MUCL1: variants seen among roughly 807,000 people sequenced by gnomAD.
MUCL1 encodes mucin like 1, also known as mucin-like protein 1.
MUCL1 carries 11 observed loss-of-function variants against 9.2 expected under a neutral mutation model. The ratio of observed to expected loss-of-function variants is 1.19; its 90% CI spans 0.75 to 1.97. The LOEUF (loss-of-function observed/expected upper bound fraction) is 1.97. Among genes scored for constraint, MUCL1 ranks in the 30% most tolerant of loss-of-function variants. The pLI, the probability that MUCL1 is intolerant of heterozygous loss-of-function variation, is 0.00. For missense variants in MUCL1, 144 were observed against 110.9 expected (o/e 1.30, Z -1.34); for synonymous variants, 48 against 40.5 (o/e 1.19, Z -0.71).
intron 1 of MUCL1, among the ~76,000 whole-genome samples, chr12:54,834,332 C>T (rs1959189477): frequency 6.6e-6 from 1 of 151,800 alleles, no homozygotes; most frequent in Non-Finnish European, 1.5e-5. Context: ...TTTAAACTAC[C>T]TTTTCTTCAC....
upstream of MUCL1, chr12:54,854,446 G>T: frequency 1.6e-6 from 1 of 641,420 alleles, no homozygotes; most frequent in South Asian, 2.1e-5. Flanking sequence ...TACCTAACCT[G>T]GATTCTGGTT....
intron 2 of MUCL1, 39 bp from the exon 3 acceptor site, chr12:54,856,731 G>C: frequency 6.4e-7 from 1 of 1,570,910 alleles, no homozygotes; most frequent in Non-Finnish European, 8.6e-7. Context: ...TGTTCCAGAA[G>C]GAGTCAGTCT....
intron 2 of MUCL1, 102 bp from the exon 3 acceptor site, chr12:54,856,668 A>G: frequency 6.9e-7 from 1 of 1,445,002 alleles, no homozygotes; most frequent in Non-Finnish European, 9.4e-7. Context: ...ACAGATTTGC[A>G]GAGATGAATT....
At chr12:54,833,274 A>C (rs1031822419) in intron 1 of MUCL1, among the ~76,000 whole-genome samples, 4 of 152,160 alleles carry the variant, frequency 2.6e-5, no homozygotes, top group African/African-American at 9.6e-5. Flanking sequence ...GAATTATATG[A>C]GGAGAACTGG....
chr12:54,856,613 A>G (rs1210529641), intron 2 of MUCL1, among the ~76,000 whole-genome samples, 157 bp from the exon 3 acceptor site: 1 of 152,216 alleles, frequency 6.6e-6, no homozygotes, highest in Non-Finnish European at 1.5e-5. Flanking sequence ...AGGATGAAGC[A>G]CAAGGAAAGT....
chr12:54,855,613 C>G (rs1488731245), intron 2 of MUCL1: 1 of 171,840 alleles, frequency 5.8e-6, no homozygotes, highest in Non-Finnish European at 1.3e-5. Flanking sequence ...GGGGTCAGTT[C>G]TAAGCTTTAC....
At chr12:54,855,433 G>A (rs904213199) in intron 2 of MUCL1, 1 of 385,948 alleles carries the variant, frequency 2.6e-6, no homozygotes. Flanking sequence ...ACAAGAGCAT[G>A]AGGTCTGATG....
intron 1 of MUCL1, among the ~76,000 whole-genome samples, chr12:54,833,449 C>T (rs1959188081): frequency 6.6e-6 from 1 of 152,114 alleles, no homozygotes; most frequent in African/African-American, 2.4e-5. Context: ...TTCAACCCAT[C>T]TGATGATGCC....
chr12:54,837,374 A>C (rs1236555152), upstream of MUCL1, among the ~76,000 whole-genome samples: 1 of 152,008 alleles, frequency 6.6e-6, no homozygotes, highest in East Asian at 1.9e-4. Flanking sequence ...TGTTGCTTTA[A>C]AACCTGTTTT....
Position 54,856,751 on chromosome 12 carries a change from C to A in MUCL1, c.101-19C>A, listed in dbSNP as rs369648332. 1.9e-6 allele frequency: 3 copies of A among 1,595,808 alleles called. No homozygotes were observed. The highest frequency in any genetic ancestry group is 1.3e-5 in the African/African-American group (1 of 74,522). On this transcript the variant is annotated intron_variant, in intron 2 of 3. Coordinates refer to ENST00000308796, the MANE Select transcript of MUCL1 (RefSeq NM_058173.3). Reference sequence around the variant, plus strand: ...CAGAAGGAGTCAGTCTCACCTAGAGCTTTTCCTTCTAATTTCAGCTGGTCC... The same window carrying A: ...CAGAAGGAGTCAGTCTCACCTAGAGATTTTCCTTCTAATTTCAGCTGGTCC...
chr12:54,842,492 T>C (rs1959217128), intron 1 of MUCL1, among the ~76,000 whole-genome samples: 1 of 152,174 alleles, frequency 6.6e-6, no homozygotes. Flanking sequence ...CACATACTTA[T>C]CTTTTTTTGT....
intron 1 of MUCL1, among the ~76,000 whole-genome samples, chr12:54,831,217 T>C (rs1959184996): frequency 6.6e-6 from 1 of 152,188 alleles, no homozygotes; most frequent in Admixed American, 6.5e-5. Context: ...TCCCAAATGG[T>C]ATTATCAAAT....
intron 3 of MUCL1, among the ~76,000 whole-genome samples, chr12:54,857,936 A>T (rs1366540057): frequency 1.3e-5 from 2 of 151,858 alleles, no homozygotes; most frequent in Non-Finnish European, 2.9e-5. Context: ...TTATAGGAAA[A>T]CTCATACGTA....
At chr12:54,852,069 T>C (rs551213931), upstream of MUCL1, among the ~76,000 whole-genome samples, 1 of 152,120 alleles carries the variant, frequency 6.6e-6, no homozygotes, top group East Asian at 1.9e-4. Context: ...ATTGTGAAAA[T>C]GGCCATACTG....
chr12:54,854,369 C>G (rs532098162), upstream of MUCL1: 1 of 533,114 alleles, frequency 1.9e-6, no homozygotes, highest in African/African-American at 1.9e-5. Flanking sequence ...AATTCACAAC[C>G]TTTCCAAAGG....
chr12:54,840,056 AG>A (rs1430625035), intron 1 of MUCL1, among the ~76,000 whole-genome samples: 5 of 152,140 alleles, frequency 3.3e-5, no homozygotes, highest in Non-Finnish European at 7.4e-5. Context: ...AGAGTCCCTG[AG>A]GGTCAGACTA....
intron 1 of MUCL1, among the ~76,000 whole-genome samples, chr12:54,832,869 A>G (rs1316829699): frequency 1.3e-5 from 2 of 152,128 alleles, no homozygotes; most frequent in Non-Finnish European, 2.9e-5. Flanking sequence ...ATCATATAAA[A>G]TTTCTAGAAA....
chr12:54,841,220 T>C (rs1166200156), intron 1 of MUCL1, among the ~76,000 whole-genome samples: 2 of 152,222 alleles, frequency 1.3e-5, no homozygotes, highest in Non-Finnish European at 2.9e-5. Flanking sequence ...TATCTATCTG[T>C]CTCAGAATTT....
chr12:54,836,882 G>T (rs1405120949), upstream of MUCL1, among the ~76,000 whole-genome samples: 1 of 152,134 alleles, frequency 6.6e-6, no homozygotes, highest in Non-Finnish European at 1.5e-5. Context: ...CCATGTATTT[G>T]TATAGTTTTG....
Sources: allele counts gnomAD v4.1 joint callset (sites outside exome capture counted in the v4.1 genomes callset), GRCh38; gene constraint gnomAD v4.1.1; transcripts MANE v1.5; gene names NCBI Gene and HGNC (gene_info 2026-07-23, HGNC 2026-07-21).